The following COL7A1 variants were observed in gnomAD, a reference collection of about 807,000 sequenced individuals.
COL7A1 encodes collagen type VII alpha 1 chain.
Under a neutral mutation model 456.2 loss-of-function variants are expected in COL7A1, and 296 were observed. That is an observed-to-expected ratio of 0.65 (90% CI 0.59 to 0.71). COL7A1 has a LOEUF of 0.71. COL7A1 is among the 30% of genes least tolerant of loss of function. COL7A1 has a pLI of 0.00. For synonymous variants in COL7A1, 1,464 were observed against 1,525.9 expected (o/e 0.96, Z 0.95); for missense variants, 3,441 against 4,017.2 (o/e 0.86, Z 3.88).
chr3:48,570,163 G>T lies in COL7A1; in HGVS notation c.7456C>A (p.Pro2486Thr), dbSNP rs755042419. ...AGTCCTCGGGGTCCCTCCTGGCCGG[G>T]GCGGCCATCTTCACCCTGGATGGTG... ...EPGIRGEDGR[P>T]GQEGPRGLTG... is the part of the protein sequence containing the mutation. The change falls in exon 99 of 119, where the codon CCC becomes ACC. Residue 2486 changes from proline (P) to threonine (T), a missense_variant. By Grantham distance (38) the Pro-to-Thr change is conservative. Around this residue, in one of 3 missense-constraint regions of COL7A1, gnomAD observed 2,084 missense variants for 2,501.3 expected, o/e 0.83. Coordinates refer to ENST00000681320, the MANE Select transcript of COL7A1 (RefSeq NM_000094.4). This position sits in a 1 kb window ranked among gnomAD's most constrained non-coding sequence, Gnocchi z 5.5. 1 of 1,614,196 alleles carries T rather than the reference G, an allele frequency of 6.2e-7. No homozygotes were observed. Among genetic ancestry groups the T allele is most frequent in the South Asian group, 1.1e-5 (1 of 91,086 alleles).
At position 48,585,607 on chromosome 3, in the gene COL7A1, C is replaced by T. The variant is rs1560247419; in HGVS notation, c.3844G>A (p.Ala1282Thr). 2.5e-6 allele frequency: 4 copies of T among 1,614,006 alleles called. No individual in the cohort carries two copies. Reference protein sequence around the residue: ...GDPGLPGRTGAPGPQGPPGSA... With the variant: ...GDPGLPGRTGTPGPQGPPGSA... ...CCAGGGGGCCCCTGGGGGCCGGGAG[C>T]ACCGGTCCTGCCCTGAAAGAAGATA... Residue 1282 changes from alanine (A) to threonine (T), a missense_variant, in exon 32 of 119, where the codon GCT becomes ACT. Ala to Thr is a moderately conservative substitution (Grantham distance 58). Coordinates refer to ENST00000681320, the MANE Select transcript of COL7A1 (RefSeq NM_000094.4). This position sits in a 1 kb window ranked among gnomAD's most constrained non-coding sequence, Gnocchi z 4.5.
Position 48,566,699 on chromosome 3 carries a change from AG to A in COL7A1, c.8264del (p.Ala2755ValfsTer31). On this transcript the variant is annotated frameshift_variant, in exon 112 of 119. Coordinates refer to ENST00000681320, the MANE Select transcript of COL7A1 (RefSeq NM_000094.4). LOFTEE classifies it high-confidence loss of function. This position sits in a 1 kb window ranked among gnomAD's most constrained non-coding sequence, Gnocchi z 5.9. ...CGCCAGGAGCTCCAGGGACCCCAGG[AG>A]CCCCCACCACTCTCTCTCCGGGGGG... Reference protein sequence around the residue: ...RGPPGERVVGAPGVPGAPGER... With the variant: ...RGPPGERVVGXPGVPGAPGER... 6.2e-7 allele frequency: 1 copy of A among 1,613,316 alleles called. No homozygotes were observed. Among genetic ancestry groups the A allele is most frequent in the Non-Finnish European group, 8.5e-7 (1 of 1,179,756 alleles).
chr3:48,584,967 A>G (rs781537284), intron 33 of COL7A1, 22 bp from the exon 34 acceptor site: 7 of 1,613,638 alleles, frequency 4.3e-6, no homozygotes, highest in South Asian at 1.1e-5. Flanking sequence ...GGCCAGAGGC[A>G]GAACAGTCGG....
Position 48,592,032 on chromosome 3 carries a change from G to A in COL7A1, c.1241-18C>T. ...AGAAGCGTCTGCCCAGGGCACATGG[G>A]ATGTCAGTGGCCTCCGGGCCTTGCC... On this transcript the variant is annotated intron_variant, in intron 10 of 118. Transcript: ENST00000681320. The surrounding 1 kb of genome is among the most constrained non-coding windows in gnomAD (Gnocchi z 7.6). 1.2e-6 allele frequency: 2 copies of A among 1,614,112 alleles called. No homozygotes were observed. The highest frequency in any genetic ancestry group is 1.7e-6 in the Non-Finnish European group (2 of 1,179,984).
At position 48,581,734 on chromosome 3, in the gene COL7A1, C is replaced by T; in HGVS notation, c.4694G>A (p.Arg1565Lys). Residue 1565 changes from arginine (R) to lysine (K), a missense_variant, in exon 49 of 119, where the codon AGA becomes AAA. By Grantham distance (26) the Arg-to-Lys change is conservative (BLOSUM62 2). Around this residue, in one of 3 missense-constraint regions of COL7A1, gnomAD observed 2,084 missense variants for 2,501.3 expected, o/e 0.83. Transcript: ENST00000681320. The surrounding 1 kb of genome is among the most constrained non-coding windows in gnomAD (Gnocchi z 5.8). ...EKGDVGPAGP[R>K]GATGVQGERG... The stretch of plus-strand genomic sequence containing the variant: ...TTCCCCTTGGACTCCGGTAGCTCCT[C>T]TGGGCCCAGCGGGCCCCACATCTCC... 2 of 1,614,120 alleles carry T rather than the reference C, an allele frequency of 1.2e-6. No homozygotes were observed. The highest frequency in any genetic ancestry group is 1.7e-6 in the Non-Finnish European group (2 of 1,180,028).
Position 48,575,566 on chromosome 3 carries a change from G to C in COL7A1, c.5980-27C>G. On this transcript the variant is annotated intron_variant, in intron 73 of 118. Transcript: ENST00000681320. The surrounding 1 kb of genome is among the most constrained non-coding windows in gnomAD (Gnocchi z 6.3). The stretch of plus-strand genomic sequence containing the variant: ...TGCAGGAGTGGAAGAGAGAATGCTG[G>C]TGGCTGTACAGCTACACCCCACTCC... The C allele has an allele frequency of 1.2e-6, 2 of 1,612,510 alleles. No homozygotes were observed. Among genetic ancestry groups the C allele is most frequent in the Non-Finnish European group, 1.7e-6 (2 of 1,179,990 alleles).
chr3:48,588,157 GTCACGGA>G lies in COL7A1; in HGVS notation c.2710+118_2710+124del, dbSNP rs2045417033. 1 of 1,479,196 alleles carries G rather than the reference GTCACGGA, an allele frequency of 6.8e-7. No homozygotes were observed. The highest frequency in any genetic ancestry group is 1.4e-5 in the African/African-American group (1 of 71,692). 91.6% of individuals were successfully genotyped at this position (1,479,196 alleles called of 1,614,324 possible). A position where few individuals can be genotyped will look rare whatever the true frequency, so the allele number is the denominator to read the frequency against. On this transcript the variant is annotated intron_variant, in intron 21 of 118. Transcript: ENST00000681320. This position sits in a 1 kb window ranked among gnomAD's most constrained non-coding sequence, Gnocchi z 4.6. ...ACTTCATTGATTGATCTTACCTACT[GTCACGGA>G]TCCCGCAGACCCCCAGTGACAGACC... is the stretch of plus-strand genomic sequence containing the variant.
rs371676492 is a variant in COL7A1 at position 48,595,133 on chromosome 3, C to A, written c.27G>T (p.Ala9=). The A allele has an allele frequency of 1.3e-6, 2 of 1,553,746 alleles. No individual in the cohort carries two copies. Among genetic ancestry groups the A allele is most frequent in the African/African-American group, 1.4e-5 (1 of 73,352 alleles). The part of the protein sequence containing the change: MTLRLLVA[A]LCAGILAEAP... ...CCTCTGCCAGGATCCCGGCGCAGAG[C>A]GCGGCCACCAGAAGCCGCAGCGTCA... is the stretch of plus-strand genomic sequence containing the variant. Residue 9 remains alanine, a synonymous_variant, in exon 2 of 119, where the codon GCG becomes GCT. Transcript: ENST00000681320.
In COL7A1 at chr3:48,573,604, C is replaced by T. The variant is rs1045486144; in HGVS notation, c.6574-47G>A. On this transcript the variant is annotated intron_variant, in intron 82 of 118. Transcript: ENST00000681320. The surrounding 1 kb of genome is among the most constrained non-coding windows in gnomAD (Gnocchi z 5.5). ...AGGGAACAGGGCTCAGGGATTAACA[C>T]AGAGAAGGCCTGGCTCATCAGCTGT... 2.7e-5 allele frequency: 43 copies of T among 1,613,862 alleles called. No homozygotes were observed. Among genetic ancestry groups the T allele is most frequent in the Non-Finnish European group, 3.5e-5 (41 of 1,179,856 alleles).
At position 48,574,913 on chromosome 3, in the gene COL7A1, TG is replaced by T. The variant is rs1228634670; in HGVS notation, c.6280-49del. On this transcript the variant is annotated intron_variant, in intron 76 of 118. Coordinates refer to ENST00000681320, the MANE Select transcript of COL7A1 (RefSeq NM_000094.4). This position sits in a 1 kb window ranked among gnomAD's most constrained non-coding sequence, Gnocchi z 5.0. Reference sequence around the variant, plus strand: ...GAGAGATGTCTCTGTCATAGAGGCATGGGGGAGTCATCACAGATCTCAGGAT... The same window carrying T: ...GAGAGATGTCTCTGTCATAGAGGCATGGGGAGTCATCACAGATCTCAGGAT... 6.2e-7 allele frequency: 1 copy of T among 1,607,776 alleles called. No homozygotes were observed.
At position 48,583,488 on chromosome 3, in the gene COL7A1, G is replaced by A; in HGVS notation, c.4402-60C>T. 6.2e-7 allele frequency: 1 copy of A among 1,613,758 alleles called. No homozygotes were observed. The highest frequency in any genetic ancestry group is 8.5e-7 in the Non-Finnish European group (1 of 1,179,722). ...GGTTTGGGCATGAGGATGGAGCAGT[G>A]GTTGATGATTGAGGTAGGGGCTGGA... On this transcript the variant is annotated intron_variant, in intron 41 of 118. Transcript: ENST00000681320. This position sits in a 1 kb window ranked among gnomAD's most constrained non-coding sequence, Gnocchi z 5.1.
rs757747220 is a variant in COL7A1, at chr3:48,567,826, T to G, written c.7929+12A>C. Reference sequence around the variant, plus strand: ...AGGCCACGTAGCCCCCCAGCCCCCATCCCCTCTGTACCTTGTCTCCCTTCT... The same window carrying G: ...AGGCCACGTAGCCCCCCAGCCCCCAGCCCCTCTGTACCTTGTCTCCCTTCT... On this transcript the variant is annotated intron_variant, in intron 107 of 118. Transcript: ENST00000681320. The surrounding 1 kb of genome is among the most constrained non-coding windows in gnomAD (Gnocchi z 4.3). 5 of 1,610,746 alleles carry G rather than the reference T, an allele frequency of 3.1e-6. No individual in the cohort carries two copies. Among genetic ancestry groups the G allele is most frequent in the East Asian group, 2.2e-5 (1 of 44,808 alleles).
rs1473076038 is a variant in COL7A1 at position 48,570,696 on chromosome 3, G to A, written c.7287C>T (p.Pro2429=). 1 of 1,581,518 alleles carries A rather than the reference G, an allele frequency of 6.3e-7. No homozygotes were observed. Among genetic ancestry groups the A allele is most frequent in the Non-Finnish European group, 8.6e-7 (1 of 1,162,704 alleles). Residue 2429 remains proline (P), a synonymous_variant, in exon 96 of 119, where the codon CCC becomes CCT. Transcript: ENST00000681320. The surrounding 1 kb of genome is among the most constrained non-coding windows in gnomAD (Gnocchi z 5.5). ...GPSGERGLAG[P]PGREGIPGPL... is the part of the protein sequence containing the mutation. ...GTCCTGGGATTCCTTCTCTCCCTGG[G>A]GGGCCTGCCAGACCCTACCAGAAAA...
Position 48,575,406 on chromosome 3 carries a change from T to C in COL7A1, c.6113A>G (p.Lys2038Arg), listed in dbSNP as rs749235923. ...GPSGLAGEPG[K>R]PGIPGLPGRA... ...GCCTGGGAGCCCGGGAATACCAGGC[T>C]TTCCAGGCTCCCCGGCAAGGCCGGA... Residue 2038 changes from lysine (K) to arginine (R), a missense_variant, in exon 74 of 119, where the codon AAG becomes AGG. This residue lies in a region of COL7A1 where 2,084 missense variants were observed against 2,501.3 expected (regional missense o/e 0.83). Coordinates refer to ENST00000681320, the MANE Select transcript of COL7A1 (RefSeq NM_000094.4). The surrounding 1 kb of genome is among the most constrained non-coding windows in gnomAD (Gnocchi z 6.3). 6.2e-6 allele frequency: 10 copies of C among 1,610,042 alleles called. No individual in the cohort carries two copies. Among genetic ancestry groups the C allele is most frequent in the Non-Finnish European group, 8.5e-6 (10 of 1,178,752 alleles).
Position 48,592,328 on chromosome 3 carries a change from C to G in COL7A1, c.1093+23G>C. ...CCTTGTCTGAGGCGCGGGGACTCCC[C>G]TCAGCCCACATCTCTCACTCACCAC... is the stretch of plus-strand genomic sequence containing the variant. On this transcript the variant is annotated intron_variant, in intron 9 of 118. Transcript: ENST00000681320. This position sits in a 1 kb window ranked among gnomAD's most constrained non-coding sequence, Gnocchi z 7.6. 1 of 1,613,558 alleles carries G rather than the reference C, an allele frequency of 6.2e-7. No individual in the cohort carries two copies. The highest frequency in any genetic ancestry group is 8.5e-7 in the Non-Finnish European group (1 of 1,179,972).
In COL7A1 at chr3:48,571,913, G is replaced by C. The variant is rs1575428637; in HGVS notation, c.7068+88C>G. Reference sequence around the variant, plus strand: ...ACATGCAGCCCGACTCAGGGGCTCAGACATGTGCCCCGGCCCAAGAGTGGC... The same window carrying C: ...ACATGCAGCCCGACTCAGGGGCTCACACATGTGCCCCGGCCCAAGAGTGGC... On this transcript the variant is annotated intron_variant, in intron 92 of 118. Transcript: ENST00000681320. The surrounding 1 kb of genome is among the most constrained non-coding windows in gnomAD (Gnocchi z 4.6). The C allele has an allele frequency of 2.0e-6, 3 of 1,493,328 alleles. No individual in the cohort carries two copies. Among genetic ancestry groups the C allele is most frequent in the East Asian group, 2.4e-5 (1 of 41,970 alleles). 92.5% of individuals were successfully genotyped at this position (1,493,328 alleles called of 1,614,324 possible).
intron 67 of COL7A1, 30 bp downstream of exon 67, chr3:48,576,854 T>C (rs763990228): frequency 1.9e-6 from 3 of 1,613,750 alleles, no homozygotes; most frequent in Non-Finnish European, 2.5e-6. Context: ...GGGTCAGGGG[T>C]CAGAGGTTGC....
In COL7A1 at chr3:48,567,582, C is replaced by T. The variant is rs370744140; in HGVS notation, c.8038G>A (p.Gly2680Ser). The T allele has an allele frequency of 8.7e-6, 14 of 1,614,068 alleles. No homozygotes were observed. The highest frequency in any genetic ancestry group is 6.7e-5 in the East Asian group (3 of 44,902). ...SGAPGKEGLI[G>S]PKGDRGFDGQ... Reference sequence around the variant, plus strand: ...GTCCACAGACCCTGTACCTTGGGACCGATCAGGCCCTCCTTGCCAGGGGCC... The same window carrying T: ...GTCCACAGACCCTGTACCTTGGGACTGATCAGGCCCTCCTTGCCAGGGGCC... Residue 2680 changes from glycine to serine, a missense_variant, in exon 109 of 119, where the codon GGT becomes AGT. Transcript: ENST00000681320. The surrounding 1 kb of genome is among the most constrained non-coding windows in gnomAD (Gnocchi z 4.3).
rs1016552888 is a variant in COL7A1 at position 48,583,490 on chromosome 3, T to G, written c.4402-62A>C. 6.2e-7 allele frequency: 1 copy of G among 1,613,582 alleles called. No individual in the cohort carries two copies. Among genetic ancestry groups the G allele is most frequent in the Non-Finnish European group, 8.5e-7 (1 of 1,179,782 alleles). ...TTTGGGCATGAGGATGGAGCAGTGGTTGATGATTGAGGTAGGGGCTGGAGC... is the reference window on the plus strand; with the variant it reads ...TTTGGGCATGAGGATGGAGCAGTGGGTGATGATTGAGGTAGGGGCTGGAGC... On this transcript the variant is annotated intron_variant, in intron 41 of 118. Coordinates refer to ENST00000681320, the MANE Select transcript of COL7A1 (RefSeq NM_000094.4). The surrounding 1 kb of genome is among the most constrained non-coding windows in gnomAD (Gnocchi z 5.1).
Sources: gnomAD v4.1 joint callset for allele counts on GRCh38, gnomAD v4.1.1 for gene constraint, gnomAD v4.1.1 regional missense constraint, Gnocchi (gnomAD v3.1) non-coding constraint, MANE v1.5 for transcripts, NCBI Gene and HGNC (gene_info 2026-07-23, HGNC 2026-07-21) for gene names.